The following CCR5AS variants were observed in gnomAD, a reference collection of about 807,000 sequenced individuals.
The protein encoded by CCR5AS is CCR5 antisense RNA.
At chr3:46,389,496 C>T (rs949537380) in intron 2 of CCR5AS, among the ~76,000 whole-genome samples, 2 of 152,080 alleles carry the variant, frequency 1.3e-5, no homozygotes, top group East Asian at 3.9e-4. Flanking sequence ...AGCAGCCTGG[C>T]GAATTTCCTG....
At chr3:46,376,067 A>G (rs1701752295) in intron 2 of CCR5AS, 1 of 167,098 alleles carries the variant, frequency 6.0e-6, no homozygotes. Flanking sequence ...TGGAGAGTGC[A>G]ACAGTAGCAT....
chr3:46,367,616 G>C (rs1701612364), intron 3 of CCR5AS, among the ~76,000 whole-genome samples: 1 of 152,202 alleles, frequency 6.6e-6, no homozygotes. Flanking sequence ...TGTCACCCAG[G>C]TTGGAGTGCA....
intron 1 of CCR5AS, among the ~76,000 whole-genome samples, chr3:46,393,470 AG>A (rs775286024): frequency 0.11 from 14,571 of 137,268 alleles, 1,233 homozygotes; most frequent in Non-Finnish European, 0.12. Flanking sequence ...CAAAAAAAAA[AG>A]AAAAGAAAAG....
intron 2 of CCR5AS, among the ~76,000 whole-genome samples, chr3:46,391,069 G>C (rs1701907533): frequency 6.6e-6 from 1 of 152,230 alleles, no homozygotes; most frequent in South Asian, 2.1e-4. Context: ...GTCAGTCAGA[G>C]AGCCTTGGGC....
intron 3 of CCR5AS, among the ~76,000 whole-genome samples, chr3:46,368,670 A>G (rs2106737063): frequency 6.6e-6 from 1 of 152,356 alleles, no homozygotes; most frequent in East Asian, 1.9e-4. Context: ...AAGCTGCCCC[A>G]GGTCTAGCAC....
chr3:46,379,844 C>G (rs1020600473), intron 2 of CCR5AS, among the ~76,000 whole-genome samples: 2 of 152,060 alleles, frequency 1.3e-5, no homozygotes, highest in African/African-American at 2.4e-5. Context: ...TTGCAGTGAG[C>G]TGACATCTAG....
At chr3:46,395,985 G>C (rs1701958973) in intron 1 of CCR5AS, among the ~76,000 whole-genome samples, 1 of 152,184 alleles carries the variant, frequency 6.6e-6, no homozygotes, top group Non-Finnish European at 1.5e-5. Flanking sequence ...CCTCTGTGGA[G>C]ACTCTGGGAC....
At position 46,401,223 on chromosome 3, in the gene CCR5AS, G is replaced by A. The variant is rs371517948; in HGVS notation, n.163+5674C>T. The stretch of plus-strand genomic sequence containing the variant: ...ATGTGTTCCAAAAGGATTGGTCCAC[G>A]CAGGCCACAGGAAAATGGGAGGTAA... On this transcript the variant is annotated intron_variant and non_coding_transcript_variant, in intron 1 of 3. Transcript: ENST00000451485. Among the ~76,000 whole-genome samples, 21 of 152,300 alleles carry A rather than the reference G, an allele frequency of 1.4e-4. 1 individual carries two copies. In the East Asian group the frequency reaches 3.1e-3, roughly 22 times the overall value.
In CCR5AS at chr3:46,379,372, C is replaced by A. The variant is rs547933400; in HGVS notation, n.392-7955G>T. Among the ~76,000 whole-genome samples, 245 of 152,118 alleles carry A rather than the reference C, an allele frequency of 1.6e-3. 1 individual carries two copies. Among genetic ancestry groups the A allele is most frequent in the South Asian group, 4.4e-3 (21 of 4,826 alleles). ...GAACATAGCAAAGACTTGGAACCAACCCAAATGTCCAACAATGATAGACTG... is the reference window on the plus strand; with the variant it reads ...GAACATAGCAAAGACTTGGAACCAAACCAAATGTCCAACAATGATAGACTG... On this transcript the variant is annotated intron_variant and non_coding_transcript_variant, in intron 2 of 3. Transcript: ENST00000451485.
chr3:46,384,894 T>TAGATAGACAGAC (rs2106764510), intron 2 of CCR5AS, among the ~76,000 whole-genome samples: 1 of 143,570 alleles, frequency 7.0e-6, no homozygotes, highest in South Asian at 2.1e-4. Context: ...GATAGATAGA[T>TAGATAGACAGAC]AGATAGATAG....
At chr3:46,378,397 A>T (rs2106758168) in intron 2 of CCR5AS, among the ~76,000 whole-genome samples, 1 of 151,926 alleles carries the variant, frequency 6.6e-6, no homozygotes, top group Admixed American at 6.6e-5. Context: ...ACGTGGTTTG[A>T]TAATCCGTTT....
chr3:46,396,419 TTC>T (rs945213820), intron 1 of CCR5AS, among the ~76,000 whole-genome samples: 4 of 152,176 alleles, frequency 2.6e-5, no homozygotes, highest in African/African-American at 9.7e-5. Context: ...CTTTAGAAAT[TTC>T]TGTTTCCATT....
At position 46,392,790 on chromosome 3, in the gene CCR5AS, GA is replaced by G; in HGVS notation, n.391+34del. On this transcript the variant is annotated intron_variant and non_coding_transcript_variant, in intron 2 of 3. Transcript: ENST00000451485. ...GGACAGGGAGATTGAAGGGTAGGGAGAGAGGCTGAAGAAGAGAGTGAGGAGA... is the reference window on the plus strand; with the variant it reads ...GGACAGGGAGATTGAAGGGTAGGGAGGAGGCTGAAGAAGAGAGTGAGGAGA... The G allele has an allele frequency of 1.1e-5, 2 of 174,206 alleles. 1 individual carries two copies. The highest frequency in any genetic ancestry group is 5.2e-3 in the Middle Eastern group (2 of 384). The allele number at this position is 174,206 out of a possible 1,614,324, so 10.8% of individuals were successfully genotyped here.
chr3:46,403,194 A>G (rs1575289066), intron 1 of CCR5AS, among the ~76,000 whole-genome samples: 1 of 152,332 alleles, frequency 6.6e-6, no homozygotes, highest in East Asian at 1.9e-4. Context: ...TAGTGCTGCA[A>G]TGAACATTCA....
intron 2 of CCR5AS, among the ~76,000 whole-genome samples, chr3:46,384,817 G>A (rs1218025738): frequency 6.6e-6 from 1 of 152,134 alleles, no homozygotes; most frequent in Non-Finnish European, 1.5e-5. Context: ...ACTTGAGATA[G>A]ATGATAGATA....
chr3:46,382,181 T>G (rs1559571721), intron 2 of CCR5AS, among the ~76,000 whole-genome samples: 1 of 152,238 alleles, frequency 6.6e-6, no homozygotes, highest in Non-Finnish European at 1.5e-5. Context: ...TTCCCTTTTC[T>G]TTGTCAACCA....
At chr3:46,365,805 G>A (rs1433893347) in intron 3 of CCR5AS, among the ~76,000 whole-genome samples, 1 of 152,212 alleles carries the variant, frequency 6.6e-6, no homozygotes. Context: ...CAATGTGACA[G>A]TTCCTGCCCA....
chr3:46,376,961 C>G (rs944271590), intron 2 of CCR5AS, among the ~76,000 whole-genome samples: 2 of 152,084 alleles, frequency 1.3e-5, no homozygotes, highest in African/African-American at 4.8e-5. Flanking sequence ...CTTGTCCCTA[C>G]CAAGACTTGA....
chr3:46,371,087 G>C (rs1048365619), intron 3 of CCR5AS: 12 of 152,154 alleles, frequency 7.9e-5, no homozygotes, highest in African/African-American at 2.4e-4. Context: ...AACACCAAGT[G>C]CTCATACAAT....
Sources: allele counts gnomAD v4.1 joint callset (sites outside exome capture counted in the v4.1 genomes callset), GRCh38; gene constraint gnomAD v4.1.1; transcripts MANE v1.5; gene names NCBI Gene and HGNC (gene_info 2026-07-23, HGNC 2026-07-21).